The following ZBTB20 variants were observed in gnomAD, a reference collection of about 807,000 sequenced individuals.
The protein encoded by ZBTB20 is zinc finger and BTB domain-containing protein 20.
Under a neutral mutation model 56.9 loss-of-function variants are expected in ZBTB20, and 9 were observed. The ratio of observed to expected loss-of-function variants is 0.16; its 90% CI spans 0.10 to 0.28. The LOEUF (loss-of-function observed/expected upper bound fraction) is 0.28, where lower values mean the gene tolerates loss of function less well. Ranked by LOEUF, ZBTB20 falls within the 10% of genes least tolerant of loss-of-function variation. ZBTB20 has a pLI of 1.00. For missense variants in ZBTB20, 655 were observed against 1,003.0 expected (o/e 0.65, Z 4.69); for synonymous variants, 417 against 420.7 (o/e 0.99, Z 0.11).
At chr3:115,127,531 T>C (rs2084368300) in intron 1 of ZBTB20, among the ~76,000 whole-genome samples, 1 of 152,232 alleles carries the variant, frequency 6.6e-6, no homozygotes, top group East Asian at 1.9e-4. Context: ...AAGGTGGGGA[T>C]TGCAGTAAGC....
At chr3:114,475,161 T>C (rs1260210458) in intron 7 of ZBTB20, among the ~76,000 whole-genome samples, 1 of 152,188 alleles carries the variant, frequency 6.6e-6, no homozygotes, top group African/African-American at 2.4e-5. Flanking sequence ...GCAGAATCTT[T>C]ACCCTTTGAT....
intron 2 of ZBTB20, among the ~76,000 whole-genome samples, chr3:114,998,903 TC>T (rs1461298437): frequency 6.6e-6 from 1 of 150,908 alleles, no homozygotes; most frequent in East Asian, 2.0e-4. Flanking sequence ...CTGTAATTGA[TC>T]CATATATAGT....
At chr3:114,685,727 C>T (rs1232521456) in intron 6 of ZBTB20, among the ~76,000 whole-genome samples, 1 of 152,076 alleles carries the variant, frequency 6.6e-6, no homozygotes, top group East Asian at 1.9e-4. Flanking sequence ...ACACCAAGTT[C>T]CAAGTCTTGG....
At chr3:115,075,740 C>T (rs187766895) in intron 1 of ZBTB20, among the ~76,000 whole-genome samples, 2 of 152,198 alleles carry the variant, frequency 1.3e-5, no homozygotes, top group East Asian at 3.9e-4. Context: ...TGTTCACTCT[C>T]GGCACTTCTA....
At chr3:114,538,815 A>C (rs2048774354) in intron 6 of ZBTB20, among the ~76,000 whole-genome samples, 1 of 152,188 alleles carries the variant, frequency 6.6e-6, no homozygotes, top group Admixed American at 6.5e-5. Flanking sequence ...AAGCACAGTT[A>C]TGAAATAATA....
intron 8 of ZBTB20, among the ~76,000 whole-genome samples, chr3:114,382,471 G>A (rs2084493308): frequency 1.3e-5 from 2 of 152,092 alleles, no homozygotes; most frequent in African/African-American, 4.8e-5. Context: ...TACATTCTGG[G>A]CTCTACATCT....
intron 4 of ZBTB20, among the ~76,000 whole-genome samples, chr3:114,856,584 T>C (rs1216373681): frequency 6.6e-6 from 1 of 152,150 alleles, no homozygotes; most frequent in Non-Finnish European, 1.5e-5. Flanking sequence ...TAATTGTTAC[T>C]GCACTACACC....
chr3:114,948,116 G>A (rs1417307665), intron 3 of ZBTB20, among the ~76,000 whole-genome samples: 2 of 145,190 alleles, frequency 1.4e-5, no homozygotes, highest in Non-Finnish European at 3.0e-5. Context: ...ACATCAAGTA[G>A]GGTTTATTCT....
At chr3:114,636,959 GACAA>G (rs1235347374) in intron 6 of ZBTB20, among the ~76,000 whole-genome samples, 1 of 151,870 alleles carries the variant, frequency 6.6e-6, no homozygotes, top group Non-Finnish European at 1.5e-5. Flanking sequence ...TAGCTTTAGG[GACAA>G]ACATAGACTC....
intron 7 of ZBTB20, among the ~76,000 whole-genome samples, chr3:114,440,136 A>T (rs1018981620): frequency 1.3e-5 from 2 of 152,036 alleles, no homozygotes; most frequent in African/African-American, 2.4e-5. Flanking sequence ...CAATGGATGC[A>T]CACATAAAAC....
chr3:114,692,902 A>C (rs1313191539), intron 6 of ZBTB20, among the ~76,000 whole-genome samples: 1 of 152,138 alleles, frequency 6.6e-6, no homozygotes, highest in Non-Finnish European at 1.5e-5. Context: ...CTTAACTGGT[A>C]AAAGAGGATA....
At chr3:114,652,536 A>T (rs1392043897) in intron 6 of ZBTB20, among the ~76,000 whole-genome samples, 1 of 152,056 alleles carries the variant, frequency 6.6e-6, no homozygotes, top group Non-Finnish European at 1.5e-5. Flanking sequence ...ATTACCAAAC[A>T]ATATGGTAGG....
chr3:114,532,111 T>C (rs2047917971), intron 6 of ZBTB20, among the ~76,000 whole-genome samples: 1 of 152,136 alleles, frequency 6.6e-6, no homozygotes, highest in Non-Finnish European at 1.5e-5. Flanking sequence ...CATACCCCAG[T>C]GGCACCTGCA....
chr3:114,891,626 C>T (rs143492914), intron 4 of ZBTB20, among the ~76,000 whole-genome samples: 39 of 152,312 alleles, frequency 2.6e-4, no homozygotes, highest in African/African-American at 8.7e-4. Context: ...AATATATTGT[C>T]TTTACCATGA....
In ZBTB20 at chr3:114,465,247, C is replaced by T. The variant is rs983119175; in HGVS notation, c.-255+35105G>A. ...CTGTTAGGCTTGGTGCATATTAATT[C>T]GTACATATTTTAACATTTCACTACT... On this transcript the variant is annotated intron_variant, in intron 7 of 11. Transcript: ENST00000675478. Among the ~76,000 whole-genome samples, 8 of 152,116 alleles carry T rather than the reference C, an allele frequency of 5.3e-5. 1 individual carries two copies. In the East Asian group the frequency reaches 1.4e-3, roughly 26 times the overall value.
intron 6 of ZBTB20, chr3:114,624,958 GT>G (rs2058568521): frequency 6.6e-6 from 1 of 152,644 alleles, no homozygotes; most frequent in East Asian, 1.9e-4. Context: ...AATGAGTTCA[GT>G]GATCTCATTC....
intron 6 of ZBTB20, among the ~76,000 whole-genome samples, chr3:114,610,630 A>G (rs555307940): frequency 1.7e-4 from 26 of 152,294 alleles, no homozygotes; most frequent in African/African-American, 5.5e-4. Flanking sequence ...CCACATTAGA[A>G]ACTCAGAACT....
intron 11 of ZBTB20, among the ~76,000 whole-genome samples, chr3:114,343,143 GAAAA>G (rs532287052): frequency 1.8e-5 from 2 of 109,242 alleles, no homozygotes; most frequent in Non-Finnish European, 3.9e-5. Context: ...ACTGAAAAGT[GAAAA>G]AAAAAAAAAA....
intron 6 of ZBTB20, among the ~76,000 whole-genome samples, chr3:114,691,592 C>A (rs542827070): frequency 7.2e-5 from 11 of 151,930 alleles, no homozygotes; most frequent in Non-Finnish European, 1.6e-4. Flanking sequence ...GTTAAATGAG[C>A]TATTCCTCTT....
Sources: gnomAD v4.1 joint callset for allele counts (sites outside exome capture counted in the v4.1 genomes callset) on GRCh38, gnomAD v4.1.1 for gene constraint, MANE v1.5 for transcripts, NCBI Gene and HGNC (gene_info 2026-07-23, HGNC 2026-07-21) for gene names.